The following HTRA4 variants were observed in gnomAD, a reference collection of about 807,000 sequenced individuals.
HTRA4 encodes serine protease HTRA4.
In HTRA4, 46 loss-of-function variants were observed where a neutral mutation model predicts 49.1. That is an observed-to-expected ratio of 0.94 (90% CI 0.74 to 1.20). The LOEUF (loss-of-function observed/expected upper bound fraction) is 1.20. Among genes scored for constraint, HTRA4 ranks in the 50% most tolerant of loss-of-function variants. The pLI, the probability that HTRA4 is intolerant of heterozygous loss-of-function variation, is 0.00. For synonymous variants in HTRA4, 261 were observed against 264.0 expected, an observed-to-expected ratio of 0.99 and a Z score of 0.11; for missense variants, 602 against 636.9, an observed-to-expected ratio of 0.95 and a Z score of 0.59.
At chr8:38,982,666 A>C in intron 7 of HTRA4, 111 bp downstream of exon 7, 1 of 944,192 alleles carries the variant, frequency 1.1e-6, no homozygotes, top group Non-Finnish European at 1.7e-6. Flanking sequence ...TACTCTTGTG[A>C]CCATAGGCCC....
intron 5 of HTRA4, among the ~76,000 whole-genome samples, chr8:38,980,781 C>A (rs1168822550): frequency 6.6e-6 from 1 of 151,730 alleles, no homozygotes; most frequent in Non-Finnish European, 1.5e-5. Flanking sequence ...TTTATCCTTT[C>A]CCATTACCTA....
rs1187402247 is a variant in HTRA4 at position 38,988,496 on chromosome 8, G to A, written c.*398G>A. The A allele has an allele frequency of 1.3e-5, 2 of 155,704 alleles. No homozygotes were observed. The highest frequency in any genetic ancestry group is 1.9e-4 in the East Asian group (1 of 5,250). The allele number at this position is 155,704 out of a possible 1,614,324, so 9.6% of individuals were successfully genotyped here. On this transcript the variant is annotated 3_prime_UTR_variant, in exon 9 of 9. Coordinates refer to ENST00000302495, the MANE Select transcript of HTRA4 (RefSeq NM_153692.4). ...CCTGGCAGTGGGTAGGGTAGAGGGA[G>A]GGAGAGCATTAGCAAAAATAGCTAA... is the stretch of plus-strand genomic sequence containing the variant.
intron 8 of HTRA4, among the ~76,000 whole-genome samples, chr8:38,987,472 GGGGGT>G (rs1240934691): frequency 1.3e-5 from 2 of 151,898 alleles, no homozygotes; most frequent in Non-Finnish European, 2.9e-5. Context: ...GCTGGGGCGG[GGGGGT>G]GGGGTGGGGT....
rs1835320134 is a variant in HTRA4, at chr8:38,974,625, G to T, written c.362G>T (p.Arg121Leu). The change falls in exon 1 of 9, where the codon CGC becomes CTC. Residue 121 changes from arginine (R) to leucine (L), a missense_variant. Transcript: ENST00000302495. ...GGGGCCGTGTGCGGCAGCGACAGGC[G>T]CACCTACCCCAGCATGTGCGCGCTC... ...LGGAVCGSDR[R>L]TYPSMCALRA... is the part of the protein sequence containing the mutation. The T allele has an allele frequency of 7.0e-7, 1 of 1,425,460 alleles. No homozygotes were observed. 88.3% of individuals were successfully genotyped at this position (1,425,460 alleles called of 1,614,324 possible).
Position 38,986,371 on chromosome 8 carries a change from C to T in HTRA4, c.1269-1565C>T, listed in dbSNP as rs139995843. On this transcript the variant is annotated intron_variant, in intron 8 of 8. Coordinates refer to ENST00000302495, the MANE Select transcript of HTRA4 (RefSeq NM_153692.4). ...GATCTCAGCTCACTGCAACCTCCGC[C>T]TCCTGGGTTCAAGCGATTCTTCTGC... Among the ~76,000 whole-genome samples the T allele has an allele frequency of 5.7e-3, 863 of 152,282 alleles. 7 individuals are homozygous for T. Among genetic ancestry groups the T allele is most frequent in the African/African-American group, 0.02 (823 of 41,542 alleles).
intron 5 of HTRA4, among the ~76,000 whole-genome samples, chr8:38,981,073 T>C (rs10100527): frequency 2.2e-5 from 1 of 45,554 alleles, no homozygotes; most frequent in South Asian, 6.8e-4. Context: ...GTTTTTTTTT[T>C]TTTTTTTTTT....
In HTRA4 at chr8:38,974,679, T is replaced by C; in HGVS notation, c.416T>C (p.Leu139Pro). 1 of 1,402,432 alleles carries C rather than the reference T, an allele frequency of 7.1e-7. No homozygotes were observed. The highest frequency in any genetic ancestry group is 9.2e-7 in the Non-Finnish European group (1 of 1,088,548). 86.9% of individuals were successfully genotyped at this position (1,402,432 alleles called of 1,614,324 possible). ...LRAENRAARR[L>P]GKVPAVPVQW... ...GCCGAAAACCGCGCCGCGCGCCGCC[T>C]GGGCAAGGTCCCGGCCGTGCCTGTG... The change falls in exon 1 of 9, where the codon CTG becomes CCG. Residue 139 changes from leucine to proline, a missense_variant. Transcript: ENST00000302495.
rs1370881108 is a variant in HTRA4, at chr8:38,974,245, G to T, written c.-19G>T. ...TCCAGAGTAAAGTCACTGAAGAGTG[G>T]AAGCGAGGAAGGAACAGGATGATTA... On this transcript the variant is annotated 5_prime_UTR_variant, in exon 1 of 9. Transcript: ENST00000302495. 3.1e-6 allele frequency: 5 copies of T among 1,611,726 alleles called. No homozygotes were observed. The highest frequency in any genetic ancestry group is 1.7e-5 in the Admixed American group (1 of 59,858).
At chr8:38,984,757 A>C (rs1442959563) in intron 8 of HTRA4, among the ~76,000 whole-genome samples, 1 of 151,990 alleles carries the variant, frequency 6.6e-6, no homozygotes, top group African/African-American at 2.4e-5. Context: ...TAAAAAAACA[A>C]AAAACAAAAA....
chr8:38,982,484 A>C lies in HTRA4; in HGVS notation c.1115-14A>C. On this transcript the variant is annotated splice_polypyrimidine_tract_variant and intron_variant, in intron 6 of 8. Coordinates refer to ENST00000302495, the MANE Select transcript of HTRA4 (RefSeq NM_153692.4). ...AGAGGTTTTGTTGTAACACATCATAACTTTCCTTTCCAGGAAAGGCGTTTT... is the reference window on the plus strand; with the variant it reads ...AGAGGTTTTGTTGTAACACATCATACCTTTCCTTTCCAGGAAAGGCGTTTT... The C allele has an allele frequency of 6.2e-7, 1 of 1,611,988 alleles. No individual in the cohort carries two copies. The highest frequency in any genetic ancestry group is 1.1e-5 in the South Asian group (1 of 91,038).
intron 5 of HTRA4, 108 bp from the exon 6 acceptor site, chr8:38,981,545 G>A (rs1835424641): frequency 5.4e-6 from 4 of 740,644 alleles, no homozygotes; most frequent in South Asian, 1.6e-5. Flanking sequence ...TCTCGGCCCT[G>A]TTTTCTGACC....
At chr8:38,980,652 C>G (rs569435284) in intron 5 of HTRA4, among the ~76,000 whole-genome samples, 3 of 151,818 alleles carry the variant, frequency 2.0e-5, no homozygotes, top group Admixed American at 6.6e-5. Flanking sequence ...GCAGGAGAAT[C>G]GCTTGAACCC....
At chr8:38,977,853 A>T in intron 3 of HTRA4, 100 bp from the exon 4 acceptor site, 1 of 1,227,314 alleles carries the variant, frequency 8.1e-7, no homozygotes, top group Non-Finnish European at 1.2e-6. Context: ...GGTGATAGAG[A>T]CAGCGTCATA....
chr8:38,981,540 G>A, intron 5 of HTRA4, 113 bp from the exon 6 acceptor site: 1 of 702,124 alleles, frequency 1.4e-6, no homozygotes, highest in Non-Finnish European at 2.5e-6. Context: ...GTTCCTCTCG[G>A]CCCTGTTTTC....
At chr8:38,979,090 C>G in intron 4 of HTRA4, 125 bp from the exon 5 acceptor site, 2 of 844,150 alleles carry the variant, frequency 2.4e-6, no homozygotes. Flanking sequence ...ACAATTTTGC[C>G]GGCCTGGGGG....
Position 38,983,945 on chromosome 8 carries a change from A to G in HTRA4, c.1268+897A>G, listed in dbSNP as rs111773456. ...CTTTCAACATTAATAGTTATTACTT[A>G]ATAACTATTAAGTGATTAACACCTA... On this transcript the variant is annotated intron_variant, in intron 8 of 8. Transcript: ENST00000302495. 3.3e-5 allele frequency among the ~76,000 whole-genome samples: 5 copies of G among 152,224 alleles called. 1 individual carries two copies. Among genetic ancestry groups the G allele is most frequent in the African/African-American group, 1.2e-4 (5 of 41,530 alleles).
intron 5 of HTRA4, among the ~76,000 whole-genome samples, chr8:38,981,331 G>A (rs919147214): frequency 1.3e-4 from 19 of 151,684 alleles, no homozygotes; most frequent in Non-Finnish European, 1.8e-4. Flanking sequence ...CGCCCGCCTC[G>A]GCCTCCCAAA....
At chr8:38,987,857 GA>G in intron 8 of HTRA4, 78 bp from the exon 9 acceptor site, 1 of 1,298,418 alleles carries the variant, frequency 7.7e-7, no homozygotes, top group South Asian at 1.7e-5. Context: ...CATTAAGACA[GA>G]AATATTAAAT....
At chr8:38,983,976 T>A (rs7000059) in intron 8 of HTRA4, among the ~76,000 whole-genome samples, 52,796 of 151,430 alleles carry the variant, frequency 0.35, 9,119 homozygotes, top group Non-Finnish European at 0.36. Context: ...ACCTATTAGG[T>A]ATTAGTAACT....
Sources: allele counts gnomAD v4.1 joint callset (sites outside exome capture counted in the v4.1 genomes callset), GRCh38; gene constraint gnomAD v4.1.1; transcripts MANE v1.5; gene names NCBI Gene and HGNC (gene_info 2026-07-23, HGNC 2026-07-21).